The following CACNA2D3 variants were observed in gnomAD, a reference collection of about 807,000 sequenced individuals.
CACNA2D3 encodes calcium voltage-gated channel auxiliary subunit alpha2delta 3.
Under a neutral mutation model 160.6 loss-of-function variants are expected in CACNA2D3, and 60 were observed. The ratio of observed to expected loss-of-function variants is 0.37; its 90% CI spans 0.30 to 0.46. CACNA2D3 has a LOEUF of 0.46. CACNA2D3 is among the 20% of genes least tolerant of loss of function. CACNA2D3 has a pLI of 1.00. For synonymous variants in CACNA2D3, 558 were observed against 492.9 expected, an observed-to-expected ratio of 1.13 and a Z score of -1.75; for missense variants, 1,205 against 1,365.0, an observed-to-expected ratio of 0.88 and a Z score of 1.85.
intron 9 of CACNA2D3, among the ~76,000 whole-genome samples, chr3:54,618,375 G>GCACACACACACACACACACACACACA (rs56788185): frequency 2.6e-5 from 3 of 115,514 alleles, no homozygotes; most frequent in African/African-American, 1.0e-4. Flanking sequence ...ATATATATAT[G>GCACACACACACACACACACACACACA]CACACACACA....
intron 2 of CACNA2D3, among the ~76,000 whole-genome samples, chr3:54,187,781 C>G (rs1167390528): frequency 6.6e-6 from 1 of 152,146 alleles, no homozygotes; most frequent in Admixed American, 6.5e-5. Context: ...CTCGCATGCA[C>G]AGTTCACAAT....
intron 5 of CACNA2D3, among the ~76,000 whole-genome samples, chr3:54,508,434 G>A (rs945211804): frequency 6.6e-6 from 1 of 152,170 alleles, no homozygotes; most frequent in African/African-American, 2.4e-5. Context: ...CTTGGGCCTG[G>A]GGCCCTAGAG....
At chr3:54,725,743 G>C (rs1315907164) in intron 11 of CACNA2D3, among the ~76,000 whole-genome samples, 1 of 152,032 alleles carries the variant, frequency 6.6e-6, no homozygotes, top group Non-Finnish European at 1.5e-5. Flanking sequence ...TAATAAACTG[G>C]GTATCAATAG....
rs553277216 is a variant in CACNA2D3 at position 54,628,180 on chromosome 3, C to T, written c.1053+304C>T. 9.9e-5 allele frequency among the ~76,000 whole-genome samples: 15 copies of T among 151,826 alleles called. No individual in the cohort carries two copies. In the South Asian group the frequency reaches 1.2e-3, roughly 13 times the overall value. ...CCGGGAGGTGGAGCTTGAAGTGAGC[C>T]GAGATTGTGCACTCCAGCCTGGGTG... On this transcript the variant is annotated intron_variant, in intron 10 of 37. Transcript: ENST00000474759.
intron 12 of CACNA2D3, among the ~76,000 whole-genome samples, chr3:54,757,941 T>A (rs1464018884): frequency 6.6e-6 from 1 of 152,210 alleles, no homozygotes; most frequent in Non-Finnish European, 1.5e-5. Flanking sequence ...AGGAGAAAGC[T>A]GTGATTCATA....
intron 27 of CACNA2D3, among the ~76,000 whole-genome samples, chr3:54,926,928 T>C (rs1156546379): frequency 6.6e-6 from 1 of 152,214 alleles, no homozygotes; most frequent in African/African-American, 2.4e-5. Flanking sequence ...TAGATACTGC[T>C]CTGTCATTCA....
intron 5 of CACNA2D3, among the ~76,000 whole-genome samples, chr3:54,533,401 C>A (rs1233791071): frequency 7.1e-6 from 1 of 140,562 alleles, no homozygotes; most frequent in African/African-American, 2.6e-5. Flanking sequence ...GTGGCACGAT[C>A]CAGGCTCACT....
intron 4 of CACNA2D3, among the ~76,000 whole-genome samples, chr3:54,394,011 T>G (rs1699328723): frequency 6.6e-6 from 1 of 152,190 alleles, no homozygotes; most frequent in African/African-American, 2.4e-5. Context: ...GATGCTTCTG[T>G]GTCTCACCAT....
At chr3:54,326,105 C>T (rs190941045) in intron 3 of CACNA2D3, among the ~76,000 whole-genome samples, 3 of 152,260 alleles carry the variant, frequency 2.0e-5, no homozygotes, top group Non-Finnish European at 2.9e-5. Context: ...AGTGCATTCA[C>T]GCATCAGTCC....
intron 21 of CACNA2D3, among the ~76,000 whole-genome samples, chr3:54,883,824 CT>C (rs1438473805): frequency 2.0e-5 from 1 of 49,744 alleles, no homozygotes. Context: ...TCTCTCTCTC[CT>C]CTCTCTCCCT....
At chr3:54,393,446 C>T (rs1057114434) in intron 4 of CACNA2D3, among the ~76,000 whole-genome samples, 2 of 152,198 alleles carry the variant, frequency 1.3e-5, no homozygotes, top group African/African-American at 4.8e-5. Flanking sequence ...AGCACCCTGT[C>T]GTCCCTGAGG....
intron 9 of CACNA2D3, among the ~76,000 whole-genome samples, chr3:54,621,277 C>A (rs940232536): frequency 7.9e-5 from 12 of 152,170 alleles, no homozygotes; most frequent in African/African-American, 2.9e-4. Context: ...CAGTATGATT[C>A]AACTAAACTG....
At chr3:54,887,419 C>T (rs747676474) in intron 23 of CACNA2D3, among the ~76,000 whole-genome samples, 41 of 151,460 alleles carry the variant, frequency 2.7e-4, no homozygotes, top group Non-Finnish European at 3.4e-4. Flanking sequence ...AGAGTGAGAC[C>T]GTGTCTCAAA....
intron 9 of CACNA2D3, among the ~76,000 whole-genome samples, chr3:54,598,943 T>C (rs1703012330): frequency 6.6e-6 from 1 of 152,198 alleles, no homozygotes; most frequent in African/African-American, 2.4e-5. Context: ...GTGGCCAGCA[T>C]CTAATGTCCA....
intron 35 of CACNA2D3, among the ~76,000 whole-genome samples, chr3:55,036,899 A>G (rs1051080046): frequency 2.8e-4 from 43 of 152,174 alleles, no homozygotes; most frequent in African/African-American, 9.2e-4. Context: ...TAGCCTCCCC[A>G]GAATCATCTG....
chr3:54,715,296 A>G (rs1330160900), intron 11 of CACNA2D3, among the ~76,000 whole-genome samples: 1 of 152,192 alleles, frequency 6.6e-6, no homozygotes, highest in African/African-American at 2.4e-5. Context: ...CAACAGCCAG[A>G]TGGTAGAGAT....
At chr3:54,304,131 A>C (rs1703543546) in intron 2 of CACNA2D3, among the ~76,000 whole-genome samples, 1 of 151,970 alleles carries the variant, frequency 6.6e-6, no homozygotes, top group South Asian at 2.1e-4. Context: ...ACCTCTGTCC[A>C]CTGGATTCAG....
intron 4 of CACNA2D3, among the ~76,000 whole-genome samples, chr3:54,491,321 G>A (rs903992964): frequency 3.9e-5 from 6 of 152,216 alleles, no homozygotes; most frequent in South Asian, 2.1e-4. Flanking sequence ...TAATTTCCAC[G>A]CCACAATGTG....
chr3:54,359,490 T>A (rs1698706424), intron 3 of CACNA2D3, among the ~76,000 whole-genome samples: 1 of 152,138 alleles, frequency 6.6e-6, no homozygotes, highest in Non-Finnish European at 1.5e-5. Flanking sequence ...CGCTAGGAAC[T>A]CCACATAGCT....
Sources: allele counts gnomAD v4.1 joint callset (sites outside exome capture counted in the v4.1 genomes callset), GRCh38; gene constraint gnomAD v4.1.1; transcripts MANE v1.5; gene names NCBI Gene and HGNC (gene_info 2026-07-23, HGNC 2026-07-21).